Variants in CRYBG3 observed in about 807,000 individuals in gnomAD.
The protein encoded by CRYBG3 is very large A-kinase anchor protein.
CRYBG3 carries 127 observed loss-of-function variants against 244.2 expected under a neutral mutation model. The observed-to-expected ratio is 0.52, with a 90% confidence interval of 0.45 to 0.60. The LOEUF (loss-of-function observed/expected upper bound fraction) is 0.60, where lower values mean the gene tolerates loss of function less well. Ranked by LOEUF, CRYBG3 falls within the 20% of genes least tolerant of loss-of-function variation. The pLI is 0.00. For synonymous variants in CRYBG3, 1,132 were observed against 1,195.8 expected (o/e 0.95, Z 1.10); for missense variants, 3,325 against 3,442.5 (o/e 0.97, Z 0.85).
At chr3:97,933,077 C>G (rs766988058) in intron 17 of CRYBG3, 2 of 446,216 alleles carry the variant, frequency 4.5e-6, no homozygotes, top group Non-Finnish European at 8.9e-6. Flanking sequence ...ATCATCCCCC[C>G]AAAAGTCTCT....
chr3:97,854,335 T>C (rs1329049044), intron 2 of CRYBG3, among the ~76,000 whole-genome samples: 2 of 152,142 alleles, frequency 1.3e-5, no homozygotes, highest in African/African-American at 4.8e-5. Flanking sequence ...CTATGTGGGC[T>C]CTTTTTTGTT....
rs2039350632 is a variant in CRYBG3, at chr3:97,874,778, G to T, written c.3584G>T (p.Ser1195Ile). 6.5e-7 allele frequency: 1 copy of T among 1,535,888 alleles called. No homozygotes were observed. The highest frequency in any genetic ancestry group is 8.7e-7 in the Non-Finnish European group (1 of 1,146,890). ...AHDQLLDLKS[S>I]LLKKADTLIG... The stretch of plus-strand genomic sequence containing the variant: ...GACCAACTTTTGGACCTCAAAAGTA[G>T]TTTACTCAAAAAGGCCGATACATTG... Residue 1195 changes from serine to isoleucine, a missense_variant, in exon 4 of 22, where the codon AGT becomes ATT. By Grantham distance (142) the Ser-to-Ile change is moderately radical. Around this residue, in one of 4 missense-constraint regions of CRYBG3, gnomAD observed 1,526 missense variants for 1,443.2 expected, o/e 1.06. Transcript: ENST00000389622.
chr3:97,885,605 T>C (rs781038132), intron 7 of CRYBG3, among the ~76,000 whole-genome samples: 1 of 152,160 alleles, frequency 6.6e-6, no homozygotes, highest in Non-Finnish European at 1.5e-5. Flanking sequence ...ACTTGACTAT[T>C]AGAAGAGCTT....
intron 16 of CRYBG3, 121 bp from the exon 17 acceptor site, chr3:97,915,489 G>A (rs1357858519): frequency 1.1e-6 from 1 of 932,596 alleles, no homozygotes; most frequent in African/African-American, 1.7e-5. Flanking sequence ...TAAAGCTGGT[G>A]TGGTGGTGCT....
chr3:97,831,782 T>TA (rs2038657207), intron 1 of CRYBG3, among the ~76,000 whole-genome samples: 1 of 152,112 alleles, frequency 6.6e-6, no homozygotes, highest in Admixed American at 6.6e-5. Context: ...AAAGAAACGA[T>TA]AAAAGTTTTA....
At chr3:97,881,747 T>C (rs2039450826) in intron 7 of CRYBG3, among the ~76,000 whole-genome samples, 1 of 151,802 alleles carries the variant, frequency 6.6e-6, no homozygotes, top group African/African-American at 2.4e-5. Flanking sequence ...ATATAAAATG[T>C]TACATGATGT....
intron 9 of CRYBG3, among the ~76,000 whole-genome samples, chr3:97,888,742 A>C (rs2039538267): frequency 6.6e-6 from 1 of 152,240 alleles, no homozygotes; most frequent in African/African-American, 2.4e-5. Context: ...AAAACATTTT[A>C]AGAAATATCA....
chr3:97,873,730 G>T lies in CRYBG3; in HGVS notation c.2536G>T (p.Val846Leu), dbSNP rs979233518. The T allele has an allele frequency of 2.0e-6, 3 of 1,535,890 alleles. No individual in the cohort carries two copies. The East Asian group carries it at 7.3e-5, about 38-fold the overall frequency. ...ISLSKVSLSK[V>L]EPRNISQDKM... The stretch of plus-strand genomic sequence containing the variant: ...CTTGTCCAAGGTATCTCTTTCAAAA[G>T]TGGAGCCCAGAAACATTTCTCAGGA... Residue 846 changes from valine to leucine, a missense_variant, in exon 4 of 22, where the codon GTG (valine) becomes TTG (leucine). Transcript: ENST00000389622.
intron 1 of CRYBG3, among the ~76,000 whole-genome samples, chr3:97,827,336 C>G (rs1376760783): frequency 6.6e-6 from 1 of 152,124 alleles, no homozygotes; most frequent in Non-Finnish European, 1.5e-5. Flanking sequence ...GGTACCCTCC[C>G]CAACCTTCAA....
At chr3:97,858,107 G>T (rs1390602535) in intron 2 of CRYBG3, among the ~76,000 whole-genome samples, 6 of 150,488 alleles carry the variant, frequency 4.0e-5, no homozygotes, top group African/African-American at 1.5e-4. Flanking sequence ...TGTCTGGAAG[G>T]GACTTTATTT....
At chr3:97,861,212 G>T (rs1310538714) in intron 2 of CRYBG3, among the ~76,000 whole-genome samples, 1 of 152,034 alleles carries the variant, frequency 6.6e-6, no homozygotes, top group Non-Finnish European at 1.5e-5. Flanking sequence ...TCAAACTTCT[G>T]TGTCTTTGTG....
At chr3:97,885,489 T>G (rs1263367331) in intron 7 of CRYBG3, among the ~76,000 whole-genome samples, 1 of 152,146 alleles carries the variant, frequency 6.6e-6, no homozygotes, top group Admixed American at 6.6e-5. Flanking sequence ...TCATGAGTAT[T>G]GAGATAGTGT....
At chr3:97,907,957 C>T (rs892068371) in intron 15 of CRYBG3, among the ~76,000 whole-genome samples, 24 of 151,894 alleles carry the variant, frequency 1.6e-4, no homozygotes, top group Non-Finnish European at 2.6e-4. Flanking sequence ...TCTTTGTTCC[C>T]GTTGGTTTCA....
intron 2 of CRYBG3, among the ~76,000 whole-genome samples, chr3:97,858,592 A>T (rs1413528107): frequency 6.6e-6 from 1 of 152,060 alleles, no homozygotes; most frequent in Non-Finnish European, 1.5e-5. Flanking sequence ...TGCTTCATCT[A>T]ATCTATTATT....
chr3:97,884,867 C>CA (rs1355166840), intron 7 of CRYBG3, among the ~76,000 whole-genome samples: 10 of 151,990 alleles, frequency 6.6e-5, no homozygotes, highest in African/African-American at 2.4e-4. Flanking sequence ...TATACTGTTT[C>CA]CATCTGTGTT....
At chr3:97,935,696 G>GT (rs1316963826) in intron 18 of CRYBG3, among the ~76,000 whole-genome samples, 3 of 152,066 alleles carry the variant, frequency 2.0e-5, no homozygotes, top group Non-Finnish European at 4.4e-5. Context: ...AGGGGCTGAA[G>GT]TTGCTGCCAT....
At chr3:97,858,669 T>C (rs970470078) in intron 2 of CRYBG3, among the ~76,000 whole-genome samples, 1 of 152,152 alleles carries the variant, frequency 6.6e-6, no homozygotes, top group African/African-American at 2.4e-5. Context: ...TTGGTTCTTT[T>C]TTATGACACC....
chr3:97,933,658 C>T (rs1448577767), intron 17 of CRYBG3, 36 bp from the exon 18 acceptor site: 1 of 1,606,634 alleles, frequency 6.2e-7, no homozygotes, highest in Non-Finnish European at 8.5e-7. Context: ...GAGATATGGC[C>T]ACTCCTATGG....
chr3:97,892,860 GTTATTATT>G lies in CRYBG3; in HGVS notation c.7443_7450del (p.Ile2482Ter). 1 of 1,437,956 alleles carries G rather than the reference GTTATTATT, an allele frequency of 7.0e-7. No individual in the cohort carries two copies. Among genetic ancestry groups the G allele is most frequent in the Non-Finnish European group, 9.5e-7 (1 of 1,053,338 alleles). 89.1% of individuals were successfully genotyped at this position (1,437,956 alleles called of 1,614,324 possible). On this transcript the variant is annotated frameshift_variant and splice_region_variant, in exon 11 of 22. Coordinates refer to ENST00000389622, the MANE Select transcript of CRYBG3 (RefSeq NM_153605.4). LOFTEE classifies it high-confidence loss of function. ...ATAAACATGTTAAATAATTTTTCAG[GTTATTATT>G]TATGAAAAACCTCACTTCCATGGAC...
Sources: gnomAD v4.1 joint callset for allele counts (sites outside exome capture counted in the v4.1 genomes callset) on GRCh38, gnomAD v4.1.1 for gene constraint, gnomAD v4.1.1 regional missense constraint, MANE v1.5 for transcripts, NCBI Gene and HGNC (gene_info 2026-07-23, HGNC 2026-07-21) for gene names.